Variants in ROR2 observed in about 807,000 individuals in gnomAD.
ROR2 encodes tyrosine-protein kinase transmembrane receptor ROR2.
A neutral mutation model predicts 74.9 loss-of-function variants in ROR2; 33 were observed. The ratio of observed to expected loss-of-function variants is 0.44; its 90% confidence interval spans 0.33 to 0.59. The LOEUF is 0.59. ROR2 is among the 20% of genes least tolerant of loss of function. ROR2 has a pLI of 0.02. For synonymous variants in ROR2, 586 were observed against 558.7 expected (o/e 1.05, Z -0.69); for missense variants, 1,216 against 1,313.8 (o/e 0.93, Z 1.15).
chr9:91,945,302 C>T (rs1412463298), intron 1 of ROR2, among the ~76,000 whole-genome samples: 3 of 152,172 alleles, frequency 2.0e-5, no homozygotes, highest in African/African-American at 7.2e-5. Flanking sequence ...ACAGCACAAG[C>T]CTACAATGAG....
chr9:91,931,302 G>A (rs1427823098), intron 1 of ROR2, among the ~76,000 whole-genome samples: 7 of 152,170 alleles, frequency 4.6e-5, no homozygotes, highest in African/African-American at 1.7e-4. Context: ...TAATATTAAT[G>A]TCATACTCTC....
At chr9:91,775,664 A>G in intron 2 of ROR2, 77 bp downstream of exon 2, 2 of 1,406,578 alleles carry the variant, frequency 1.4e-6, no homozygotes, top group Admixed American at 1.7e-5. Context: ...GCCTTCCTTC[A>G]GGCAATGGCA....
intron 1 of ROR2, among the ~76,000 whole-genome samples, chr9:91,792,454 GCC>G (rs1564279594): frequency 6.6e-6 from 1 of 151,978 alleles, no homozygotes; most frequent in Non-Finnish European, 1.5e-5. Flanking sequence ...GACTACAGGC[GCC>G]CGCCACCACG....
chr9:91,832,872 G>A (rs900688130), intron 1 of ROR2, among the ~76,000 whole-genome samples: 1 of 152,176 alleles, frequency 6.6e-6, no homozygotes. Flanking sequence ...GGCAGAAATC[G>A]GGGCCTCCTA....
intron 1 of ROR2, among the ~76,000 whole-genome samples, chr9:91,801,704 A>G (rs1325760816): frequency 6.6e-6 from 1 of 152,192 alleles, no homozygotes; most frequent in Non-Finnish European, 1.5e-5. Flanking sequence ...CTACCTCCCT[A>G]CACTAGAAAC....
chr9:91,775,338 A>G (rs1442182596), intron 2 of ROR2, among the ~76,000 whole-genome samples: 1 of 152,210 alleles, frequency 6.6e-6, no homozygotes, highest in African/African-American at 2.4e-5. Flanking sequence ...CTCTGACCAC[A>G]GGCCCAGGGG....
At chr9:91,806,067 G>A (rs569900385) in intron 1 of ROR2, among the ~76,000 whole-genome samples, 35 of 152,316 alleles carry the variant, frequency 2.3e-4, no homozygotes, top group South Asian at 1.0e-3. Flanking sequence ...AGGTAGAACC[G>A]GCTGCTTTGT....
chr9:91,939,980 G>C (rs754052861), intron 1 of ROR2, among the ~76,000 whole-genome samples: 5 of 152,210 alleles, frequency 3.3e-5, no homozygotes, highest in Non-Finnish European at 7.3e-5. Context: ...CCTGCACAAA[G>C]ATGTCCAAGA....
chr9:91,844,423 G>A (rs1171478433), intron 1 of ROR2, among the ~76,000 whole-genome samples: 1 of 152,066 alleles, frequency 6.6e-6, no homozygotes, highest in Non-Finnish European at 1.5e-5. Flanking sequence ...CAAAGACACC[G>A]CCTCCTTCGT....
At chr9:91,945,584 G>A (rs1459558882) in intron 1 of ROR2, among the ~76,000 whole-genome samples, 2 of 152,142 alleles carry the variant, frequency 1.3e-5, no homozygotes, top group African/African-American at 4.8e-5. Context: ...CTACTTAGTC[G>A]AATTAAGCTA....
intron 1 of ROR2, among the ~76,000 whole-genome samples, chr9:91,855,674 G>A (rs956218050): frequency 8.5e-5 from 13 of 152,176 alleles, no homozygotes; most frequent in African/African-American, 2.9e-4. Flanking sequence ...TTCCTCCTCT[G>A]GCTGCTGGTT....
chr9:91,770,229 T>G (rs1826184641), intron 2 of ROR2, among the ~76,000 whole-genome samples: 1 of 152,232 alleles, frequency 6.6e-6, no homozygotes, highest in African/African-American at 2.4e-5. Flanking sequence ...GAGTACCCCT[T>G]GTGGGTATCT....
intron 8 of ROR2, among the ~76,000 whole-genome samples, chr9:91,725,564 T>G (rs1836998753): frequency 6.6e-6 from 1 of 152,196 alleles, no homozygotes; most frequent in East Asian, 1.9e-4. Context: ...CCACAGAGGC[T>G]TTCCCACGAC....
intron 7 of ROR2, among the ~76,000 whole-genome samples, chr9:91,726,965 C>T (rs1417003392): frequency 6.6e-6 from 1 of 152,110 alleles, no homozygotes; most frequent in African/African-American, 2.4e-5. Flanking sequence ...CCAAAACTGC[C>T]CAACCTGGAA....
chr9:91,725,213 G>A lies in ROR2; in HGVS notation c.1387-106C>T, dbSNP rs575423273. Reference sequence around the variant, plus strand: ...GAGTCCCTGTGCGGCCACGACTAGGGGGGCCTTGCAGAAGACCCGCTGGTT... The same window carrying A: ...GAGTCCCTGTGCGGCCACGACTAGGAGGGCCTTGCAGAAGACCCGCTGGTT... On this transcript the variant is annotated intron_variant, in intron 8 of 8. Coordinates refer to ENST00000375708, the MANE Select transcript of ROR2 (RefSeq NM_004560.4). The A allele has an allele frequency of 1.6e-4, 254 of 1,589,850 alleles. 4 individuals carry two copies. In the South Asian group the frequency reaches 2.6e-3, roughly 17 times the overall value.
chr9:91,811,517 C>T (rs1587741971), intron 1 of ROR2, among the ~76,000 whole-genome samples: 3 of 152,210 alleles, frequency 2.0e-5, no homozygotes, highest in Admixed American at 2.0e-4. Flanking sequence ...TGGCCCCTCT[C>T]AATTGCTAGA....
rs556013691 is a variant in ROR2 at position 91,933,187 on chromosome 9, G to A, written c.97+16680C>T. On this transcript the variant is annotated intron_variant, in intron 1 of 8. Transcript: ENST00000375708. ...AAAAATTAGCCGGGCATGGTGGCAC[G>A]CGCCTGTGGTCCCAGCTACTCAGGA... Among the ~76,000 whole-genome samples, 8 of 152,114 alleles carry A rather than the reference G, an allele frequency of 5.3e-5. No individual in the cohort carries two copies. The South Asian group carries it at 1.0e-3, about 20-fold the overall frequency.
In ROR2 at chr9:91,724,895, G is replaced by A. The variant is rs771552984; in HGVS notation, c.1599C>T (p.His533=). 3 of 1,606,724 alleles carry A rather than the reference G, an allele frequency of 1.9e-6. No individual in the cohort carries two copies. The highest frequency in any genetic ancestry group is 1.7e-5 in the Admixed American group (1 of 59,800). ...CGCCCAGCAGGCAGACGACGTTGGG[G>A]TGTTGCAGCCGTGCTCGCAGCATAG... ...HEAMLRARLQ[H]PNVVCLLGVV... The change falls in exon 9 of 9, where the codon CAC becomes CAT. Residue 533 remains histidine, a synonymous_variant. Transcript: ENST00000375708.
At chr9:91,805,270 G>C (rs1464171940) in intron 1 of ROR2, among the ~76,000 whole-genome samples, 1 of 152,222 alleles carries the variant, frequency 6.6e-6, no homozygotes, top group Non-Finnish European at 1.5e-5. Context: ...TCCACTCCAA[G>C]ACACGGAGTT....
Sources: gnomAD v4.1 joint callset for allele counts (sites outside exome capture counted in the v4.1 genomes callset) on GRCh38, gnomAD v4.1.1 for gene constraint, MANE v1.5 for transcripts, NCBI Gene and HGNC (gene_info 2026-07-23, HGNC 2026-07-21) for gene names.